The following FOXO3 variants were observed in gnomAD, a reference collection of about 807,000 sequenced individuals.
FOXO3 encodes the protein forkhead box O3, also known as forkhead box protein O3.
A neutral mutation model predicts 41.9 loss-of-function variants in FOXO3; 4 were observed. The ratio of observed to expected loss-of-function variants is 0.10; its 90% confidence interval spans 0.05 to 0.22. The LOEUF (loss-of-function observed/expected upper bound fraction) is 0.22, where lower values mean the gene tolerates loss of function less well. FOXO3 is among the 10% of genes least tolerant of loss of function. The pLI is 1.00. For synonymous variants in FOXO3, 318 were observed against 389.3 expected (o/e 0.82, Z 2.16); for missense variants, 534 against 906.8 (o/e 0.59, Z 5.28).
At chr6:108,629,740 T>C (rs1777910547) in intron 1 of FOXO3, among the ~76,000 whole-genome samples, 1 of 152,168 alleles carries the variant, frequency 6.6e-6, no homozygotes, top group Non-Finnish European at 1.5e-5. Context: ...TTCTCTGGCT[T>C]TTTATGAATA....
chr6:108,626,164 G>A (rs1395085579), intron 1 of FOXO3, among the ~76,000 whole-genome samples: 1 of 152,194 alleles, frequency 6.6e-6, no homozygotes, highest in Non-Finnish European at 1.5e-5. Flanking sequence ...CCATTTTAAT[G>A]TTTTGGTACT....
intron 1 of FOXO3, chr6:108,618,069 A>C (rs981769089): frequency 1.6e-5 from 12 of 727,618 alleles, no homozygotes; most frequent in Non-Finnish European, 2.8e-5. Flanking sequence ...CCAACTGTAC[A>C]GGTGTGTCTT....
At position 108,561,534 on chromosome 6, in the gene FOXO3, G is replaced by A. The variant is rs1474762288; in HGVS notation, c.326G>A (p.Gly109Glu). The A allele has an allele frequency of 6.9e-7, 1 of 1,442,368 alleles. No individual in the cohort carries two copies. Among genetic ancestry groups the A allele is most frequent in the East Asian group, 2.7e-5 (1 of 36,754 alleles). 89.3% of individuals were successfully genotyped at this position (1,442,368 alleles called of 1,614,324 possible). ...RVLAPGGQDP[G>E]SGPATAAGGL... ...CTGGCACCCGGAGGGCAAGACCCCG[G>A]GTCTGGGCCAGCCACCGCGGCGGGC... The change falls in exon 1 of 3, where the codon GGG becomes GAG. Residue 109 changes from glycine to glutamate, a missense_variant. Coordinates refer to ENST00000406360, the MANE Select transcript of FOXO3 (RefSeq NM_001455.4).
At chr6:108,604,706 G>GAT (rs2128367452) in intron 1 of FOXO3, among the ~76,000 whole-genome samples, 1 of 152,156 alleles carries the variant, frequency 6.6e-6, no homozygotes, top group East Asian at 1.9e-4. Context: ...CTTTTTGAAG[G>GAT]TTGGGTTTTT....
At chr6:108,670,911 C>T (rs190768786) in intron 2 of FOXO3, among the ~76,000 whole-genome samples, 5 of 152,288 alleles carry the variant, frequency 3.3e-5, no homozygotes, top group African/African-American at 1.2e-4. Context: ...TCAAGAAAGG[C>T]CTGAAATCAT....
intron 1 of FOXO3, among the ~76,000 whole-genome samples, chr6:108,611,289 C>A (rs1777357042): frequency 6.6e-6 from 1 of 152,082 alleles, no homozygotes; most frequent in Non-Finnish European, 1.5e-5. Context: ...TGGGTTGTTT[C>A]CAGTTTTTTA....
chr6:108,621,207 C>G (rs2128372768), intron 1 of FOXO3, among the ~76,000 whole-genome samples: 1 of 152,238 alleles, frequency 6.6e-6, no homozygotes, highest in Non-Finnish European at 1.5e-5. Flanking sequence ...AAAAGCTATG[C>G]TTGTATGTCC....
Position 108,684,204 on chromosome 6 carries a change from G to A in FOXO3, c.*4412G>A, listed in dbSNP as rs1770978274. On this transcript the variant is annotated 3_prime_UTR_variant, in exon 3 of 3. Coordinates refer to ENST00000406360, the MANE Select transcript of FOXO3 (RefSeq NM_001455.4). Reference sequence around the variant, plus strand: ...ATTGCCTGGCAATCAGTCTTCTCTTGTATACTTGTCCTAGCACATTATGTA... The same window carrying A: ...ATTGCCTGGCAATCAGTCTTCTCTTATATACTTGTCCTAGCACATTATGTA... The A allele has an allele frequency of 6.6e-6, 1 of 152,476 alleles. No individual in the cohort carries two copies. Among genetic ancestry groups the A allele is most frequent in the Non-Finnish European group, 1.5e-5 (1 of 68,024 alleles). The allele number at this position is 152,476 out of a possible 1,614,324, so 9.4% of individuals were successfully genotyped here.
intron 1 of FOXO3, among the ~76,000 whole-genome samples, chr6:108,573,233 G>A (rs1776158634): frequency 6.6e-6 from 1 of 152,140 alleles, no homozygotes; most frequent in Non-Finnish European, 1.5e-5. Context: ...CTTGCAGTGA[G>A]CCGAGATCAT....
At chr6:108,584,624 C>T (rs1430142052) in intron 1 of FOXO3, among the ~76,000 whole-genome samples, 8 of 152,104 alleles carry the variant, frequency 5.3e-5, no homozygotes, top group African/African-American at 1.7e-4. Context: ...GTGGAAGGCA[C>T]GTAATGATGT....
chr6:108,590,459 G>A (rs935468934), intron 1 of FOXO3, among the ~76,000 whole-genome samples: 11 of 152,294 alleles, frequency 7.2e-5, no homozygotes, highest in Admixed American at 1.3e-4. Context: ...TTCTGTGCAC[G>A]AAATTATTTA....
intron 1 of FOXO3, among the ~76,000 whole-genome samples, chr6:108,645,045 T>C (rs1778359022): frequency 6.6e-6 from 1 of 152,186 alleles, no homozygotes; most frequent in East Asian, 1.9e-4. Context: ...ACCTGCGGCC[T>C]CTCCAGTTCT....
In FOXO3 at chr6:108,582,972, C is replaced by A. The variant is rs561516136; in HGVS notation, c.621+21143C>A. On this transcript the variant is annotated intron_variant, in intron 1 of 2. Transcript: ENST00000406360. ...TTAATGCCAAATTGATGATGGAACT[C>A]CTGAGTCCTGAAACGCAGTGCCTTG... Among the ~76,000 whole-genome samples, 12 of 152,268 alleles carry A rather than the reference C, an allele frequency of 7.9e-5. No individual in the cohort carries two copies. In the South Asian group the frequency reaches 2.5e-3, roughly 32 times the overall value.
intron 1 of FOXO3, among the ~76,000 whole-genome samples, chr6:108,567,428 A>T (rs1427932231): frequency 6.6e-6 from 1 of 152,166 alleles, no homozygotes; most frequent in African/African-American, 2.4e-5. Context: ...CCTGATGTAG[A>T]TCTGGCCTTC....
chr6:108,601,511 C>T (rs1211317116), intron 1 of FOXO3, among the ~76,000 whole-genome samples: 14 of 152,004 alleles, frequency 9.2e-5, no homozygotes, highest in African/African-American at 2.9e-4. Context: ...ACCATGTTGG[C>T]CAGGCTGGTC....
intron 1 of FOXO3, among the ~76,000 whole-genome samples, chr6:108,638,674 A>G (rs899360455): frequency 2.0e-5 from 3 of 152,188 alleles, no homozygotes; most frequent in Non-Finnish European, 4.4e-5. Flanking sequence ...CTGGAGGACA[A>G]CAGACGACTT....
At chr6:108,624,141 G>A (rs1777748607) in intron 1 of FOXO3, among the ~76,000 whole-genome samples, 1 of 152,080 alleles carries the variant, frequency 6.6e-6, no homozygotes, top group Non-Finnish European at 1.5e-5. Flanking sequence ...TCTTTGACCT[G>A]CCTAGTGAGC....
At chr6:108,671,337 A>G (rs919687915) in intron 2 of FOXO3, among the ~76,000 whole-genome samples, 1 of 152,204 alleles carries the variant, frequency 6.6e-6, no homozygotes, top group African/African-American at 2.4e-5. Context: ...CGCCCACTTC[A>G]GCACACTGTC....
chr6:108,677,795 C>T (rs1392086190), intron 2 of FOXO3, among the ~76,000 whole-genome samples: 2 of 152,086 alleles, frequency 1.3e-5, no homozygotes, highest in Non-Finnish European at 2.9e-5. Flanking sequence ...GTTAGAATAG[C>T]ACTGACTTTA....
Sources: gnomAD v4.1 joint callset for allele counts (sites outside exome capture counted in the v4.1 genomes callset) on GRCh38, gnomAD v4.1.1 for gene constraint, MANE v1.5 for transcripts, NCBI Gene and HGNC (gene_info 2026-07-23, HGNC 2026-07-21) for gene names.